ISM1: variants seen among roughly 807,000 people sequenced by gnomAD.
ISM1 encodes isthmin 1.
A neutral mutation model predicts 46.3 loss-of-function variants in ISM1; 25 were observed. The ratio of observed to expected loss-of-function variants is 0.54; its 90% CI spans 0.39 to 0.75. ISM1 has a LOEUF of 0.75. ISM1 is among the 30% of genes least tolerant of loss of function. ISM1 has a pLI of 0.00. For missense variants in ISM1, 536 were observed against 625.4 expected (o/e 0.86, Z 1.52); for synonymous variants, 255 against 256.7 (o/e 0.99, Z 0.06).
At position 13,279,701 on chromosome 20, in the gene ISM1, C is replaced by T. The variant is rs1234637721; in HGVS notation, c.446C>T (p.Pro149Leu). 5 of 1,613,886 alleles carry T rather than the reference C, an allele frequency of 3.1e-6. No individual in the cohort carries two copies. The East Asian group carries it at 8.9e-5, about 29-fold the overall frequency. The change falls in exon 3 of 6, where the codon CCC becomes CTC. Residue 149 changes from proline (P) to leucine (L), a missense_variant. Physicochemically the swap from Pro to Leu is moderately conservative, Grantham distance 98 (BLOSUM62 -3). Around this residue, in one of 2 missense-constraint regions of ISM1, gnomAD observed 367 missense variants for 376.1 expected, o/e 0.98. Coordinates refer to ENST00000262487, the MANE Select transcript of ISM1 (RefSeq NM_080826.2). The stretch of plus-strand genomic sequence containing the variant: ...AAAGATCAGCATCCGGAGAATAAGC[C>T]CAGCTGGTCAGTCCCATCCCCCGAC... ...ADKDQHPENK[P>L]SWSVPSPDWR...
At chr20:13,250,304 A>G (rs1568670530) in intron 1 of ISM1, among the ~76,000 whole-genome samples, 1 of 152,214 alleles carries the variant, frequency 6.6e-6, no homozygotes, top group Admixed American at 6.5e-5. Context: ...GCTTTCAAGG[A>G]TGTGGCTGGG....
the ISM1 span, among the ~76,000 whole-genome samples, chr20:13,306,564 C>CAAAAAAAAAAAAAAAAA: frequency 3.6e-4 from 23 of 63,908 alleles, no homozygotes; most frequent in East Asian, 5.3e-4. Flanking sequence ...GGAGAAAGGA[C>CAAAAAAAAAAAAAAAAA]AAAAAAAAAA....
At chr20:13,228,578 T>C (rs1181049399) in intron 1 of ISM1, among the ~76,000 whole-genome samples, 1 of 152,186 alleles carries the variant, frequency 6.6e-6, no homozygotes. Context: ...ATGATTTTTT[T>C]CCTTTATTTT....
the ISM1 span, among the ~76,000 whole-genome samples, chr20:13,311,324 A>G: frequency 6.9e-4 from 105 of 152,326 alleles, no homozygotes; most frequent in African/African-American, 2.5e-3. Flanking sequence ...GAACTCTTGT[A>G]CACTGCTGGT....
intron 1 of ISM1, 70 bp from the exon 2 acceptor site, chr20:13,270,434 G>T: frequency 1.3e-6 from 2 of 1,508,684 alleles, no homozygotes; most frequent in Non-Finnish European, 1.8e-6. Flanking sequence ...TGAATATAAT[G>T]GACTGTTAAG....
intron 5 of ISM1, among the ~76,000 whole-genome samples, chr20:13,293,207 CAAAAAAA>C (rs397865981): frequency 5.7e-5 from 5 of 87,448 alleles, no homozygotes; most frequent in Non-Finnish European, 1.2e-4. Context: ...GACTCCGTCT[CAAAAAAA>C]AAAAAAAAAA....
At chr20:13,320,357 A>C in the ISM1 span, among the ~76,000 whole-genome samples, 5 of 152,304 alleles carry the variant, frequency 3.3e-5, no homozygotes, top group Non-Finnish European at 5.9e-5. Context: ...TTAACCCTAA[A>C]AGCATTGACT....
intron 1 of ISM1, among the ~76,000 whole-genome samples, chr20:13,231,814 G>T (rs2039591606): frequency 6.6e-6 from 1 of 152,174 alleles, no homozygotes; most frequent in South Asian, 2.1e-4. Context: ...TGAGCTGCCT[G>T]ATTTGCAGTT....
intron 3 of ISM1, among the ~76,000 whole-genome samples, chr20:13,287,335 A>C (rs1003677103): frequency 1.3e-5 from 2 of 152,160 alleles, no homozygotes; most frequent in Non-Finnish European, 2.9e-5. Context: ...AGATCTCGTG[A>C]GACTTATTCA....
chr20:13,268,342 T>G (rs2123243827), intron 1 of ISM1, among the ~76,000 whole-genome samples: 1 of 91,902 alleles, frequency 1.1e-5, no homozygotes, highest in African/African-American at 4.3e-5. Context: ...CTTCTCCTTC[T>G]TCTTCCTCTC....
chr20:13,244,622 C>T lies in ISM1; in HGVS notation c.138+22708C>T, dbSNP rs564377025. Among the ~76,000 whole-genome samples the T allele has an allele frequency of 2.6e-5, 4 of 152,302 alleles. No individual in the cohort carries two copies. The East Asian group carries it at 7.7e-4, about 29-fold the overall frequency. On this transcript the variant is annotated intron_variant, in intron 1 of 5. Transcript: ENST00000262487. ...ATTCCAGTTCACAGGCATGGTATTA[C>T]CTTTACTATATACTTCCATAATTTA...
chr20:13,275,595 T>C (rs1279392364), intron 2 of ISM1, among the ~76,000 whole-genome samples: 2 of 152,190 alleles, frequency 1.3e-5, no homozygotes, highest in Non-Finnish European at 2.9e-5. Flanking sequence ...TGTGCCTCAG[T>C]TTCCTTGTCT....
rs530443737 is a variant in ISM1, at chr20:13,241,510, G to A, written c.138+19596G>A. 4.6e-5 allele frequency among the ~76,000 whole-genome samples: 7 copies of A among 152,234 alleles called. No individual in the cohort carries two copies. In the East Asian group the frequency reaches 1.4e-3, roughly 29 times the overall value. On this transcript the variant is annotated intron_variant, in intron 1 of 5. Transcript: ENST00000262487. The stretch of plus-strand genomic sequence containing the variant: ...GAGCATTGGCCTTTCACAGAAGCAG[G>A]AAAGCTTGTTCTGTGTAACAATTGG...
Position 13,299,595 on chromosome 20 carries a change from A to G in ISM1, c.*136A>G. On this transcript the variant is annotated 3_prime_UTR_variant, in exon 6 of 6. Coordinates refer to ENST00000262487, the MANE Select transcript of ISM1 (RefSeq NM_080826.2). The surrounding 1 kb of genome is among the most constrained non-coding windows in gnomAD (Gnocchi z 5.8). ...TATATACCACATGAGTATTTCTCAT[A>G]CATTACGCTAGGGGCGTGTGCCACG... 1.2e-6 allele frequency: 1 copy of G among 861,530 alleles called. No homozygotes were observed. The allele number at this position is 861,530 out of a possible 1,614,324, so 53.4% of individuals were successfully genotyped here. A position where few individuals can be genotyped will look rare whatever the true frequency, so the allele number is the denominator to read the frequency against.
chr20:13,266,904 C>T (rs1416156873), intron 1 of ISM1, among the ~76,000 whole-genome samples: 7 of 152,198 alleles, frequency 4.6e-5, no homozygotes, highest in African/African-American at 1.7e-4. Context: ...ATGTCCTCAA[C>T]CAGGACCTCC....
intron 1 of ISM1, among the ~76,000 whole-genome samples, chr20:13,249,018 G>A (rs1361529643): frequency 6.6e-6 from 1 of 152,174 alleles, no homozygotes; most frequent in African/African-American, 2.4e-5. Context: ...AAACATCGTG[G>A]GCCAAGTTCA....
At chr20:13,256,492 G>A (rs1169949396) in intron 1 of ISM1, among the ~76,000 whole-genome samples, 1 of 151,960 alleles carries the variant, frequency 6.6e-6, no homozygotes, top group African/African-American at 2.4e-5. Flanking sequence ...CCCCCACCAG[G>A]CAGGTCCAGC....
At position 13,250,367 on chromosome 20, in the gene ISM1, G is replaced by A. The variant is rs560458585; in HGVS notation, c.139-20137G>A. 9.7e-4 allele frequency among the ~76,000 whole-genome samples: 148 copies of A among 152,278 alleles called. 1 individual carries two copies. The highest frequency in any genetic ancestry group is 3.4e-3 in the African/African-American group (140 of 41,558). On this transcript the variant is annotated intron_variant, in intron 1 of 5. Transcript: ENST00000262487. ...AAGGCTCAGAGTCGATTCAGCTTGC[G>A]GAGAATTTCACACGTACTGAAGACG...
At chr20:13,323,082 C>T in the ISM1 span, among the ~76,000 whole-genome samples, 1 of 152,060 alleles carries the variant, frequency 6.6e-6, no homozygotes, top group African/African-American at 2.4e-5. Context: ...CATTGTGTCA[C>T]AGCGTCTCGG....
Sources: allele counts gnomAD v4.1 joint callset (sites outside exome capture counted in the v4.1 genomes callset), GRCh38; gene constraint gnomAD v4.1.1; regional missense constraint gnomAD v4.1.1; non-coding constraint Gnocchi (gnomAD v3.1); transcripts MANE v1.5; gene names NCBI Gene and HGNC (gene_info 2026-07-23, HGNC 2026-07-21).